The following FMN1 variants were observed in gnomAD, a reference collection of about 807,000 sequenced individuals.
FMN1 encodes the protein formin-1.
In FMN1, 110 loss-of-function variants were observed where a neutral mutation model predicts 132.4. That is an observed-to-expected ratio of 0.83 (90% CI 0.71 to 0.97). The LOEUF is 0.97. Among genes scored for constraint, FMN1 ranks in the 50% least tolerant of loss-of-function variants. FMN1 has a pLI of 0.00. For synonymous variants in FMN1, 722 were observed against 651.7 expected, an observed-to-expected ratio of 1.11 and a Z score of -1.64; for missense variants, 1,792 against 1,705.3, an observed-to-expected ratio of 1.05 and a Z score of -0.90.
At chr15:33,126,030 TCA>T (rs898131442) in intron 4 of FMN1, among the ~76,000 whole-genome samples, 15 of 151,988 alleles carry the variant, frequency 9.9e-5, no homozygotes, top group African/African-American at 2.7e-4. Flanking sequence ...AATACCAAAC[TCA>T]CAGTGCAGTT....
At chr15:33,084,515 A>G (rs1334455791) in intron 5 of FMN1, among the ~76,000 whole-genome samples, 2 of 152,112 alleles carry the variant, frequency 1.3e-5, no homozygotes, top group East Asian at 1.9e-4. Flanking sequence ...GATCGTGTCA[A>G]TTGAATTGTG....
Position 33,151,248 on chromosome 15 carries a change from A to G in FMN1, c.1867+1800T>C, listed in dbSNP as rs1232475242. 2.6e-6 allele frequency: 4 copies of G among 1,535,920 alleles called. No homozygotes were observed. In the East Asian group the frequency reaches 9.8e-5, roughly 38 times the overall value. On this transcript the variant is annotated intron_variant, in intron 4 of 20. Coordinates refer to ENST00000616417, the MANE Select transcript of FMN1 (RefSeq NM_001277313.2). ...CACAGTAGAGAAGTTACCCATATCA[A>G]AAAAAGCTCTTACCCACTTCTACTC...
chr15:33,177,991 A>G (rs1965571932), intron 3 of FMN1, among the ~76,000 whole-genome samples: 1 of 152,168 alleles, frequency 6.6e-6, no homozygotes, highest in Non-Finnish European at 1.5e-5. Context: ...GTGGGCAACG[A>G]GAGCGAAACT....
At chr15:33,017,816 G>C (rs1004415372) in intron 6 of FMN1, among the ~76,000 whole-genome samples, 1 of 152,228 alleles carries the variant, frequency 6.6e-6, no homozygotes, top group Non-Finnish European at 1.5e-5. Flanking sequence ...CGTAATCCCA[G>C]CACTTTGGGA....
chr15:32,955,858 G>A (rs1221091791), intron 9 of FMN1, among the ~76,000 whole-genome samples: 1 of 152,038 alleles, frequency 6.6e-6, no homozygotes, highest in African/African-American at 2.4e-5. Flanking sequence ...TGTGTGGTGA[G>A]AAAGGAATTC....
Position 32,969,065 on chromosome 15 carries a change from G to A in FMN1, c.2636C>T (p.Pro879Leu), listed in dbSNP as rs368585363. The A allele has an allele frequency of 3.8e-5, 60 of 1,568,496 alleles. No individual in the cohort carries two copies. Among genetic ancestry groups the A allele is most frequent in the Non-Finnish European group, 4.9e-5 (57 of 1,152,328 alleles). ...AGATCCAAGTCCTGAGGGGAGGGGC[G>A]GAGGGGGAGGGATGGATGCGGGAGG... ...PPPPASIPPP[P>L]PLPSGLGSLS... Residue 879 changes from proline to leucine, a missense_variant, in exon 8 of 21, where the codon CCG becomes CTG. Pro to Leu is a moderately conservative substitution (Grantham distance 98). Transcript: ENST00000616417.
At chr15:33,160,634 C>T (rs765269943) in intron 3 of FMN1, among the ~76,000 whole-genome samples, 85 of 152,206 alleles carry the variant, frequency 5.6e-4, no homozygotes, top group Non-Finnish European at 1.2e-3. Flanking sequence ...GCTGAGTTCA[C>T]AGGACTATTT....
intron 3 of FMN1, among the ~76,000 whole-genome samples, chr15:33,166,322 T>C (rs1301320401): frequency 7.8e-6 from 1 of 128,888 alleles, no homozygotes; most frequent in Non-Finnish European, 1.5e-5. Context: ...CTTTTTCTTT[T>C]TCTTTTTTTT....
intron 4 of FMN1, among the ~76,000 whole-genome samples, chr15:33,120,809 A>G (rs1294425066): frequency 6.6e-6 from 1 of 151,566 alleles, no homozygotes; most frequent in African/African-American, 2.4e-5. Flanking sequence ...ACATTCTTGC[A>G]TGTTTATGTA....
chr15:32,861,989 T>C (rs991975400), intron 16 of FMN1, among the ~76,000 whole-genome samples: 16 of 152,262 alleles, frequency 1.1e-4, no homozygotes, highest in Non-Finnish European at 1.6e-4. Context: ...ACGTGGCCTG[T>C]AAGAATTAAA....
At chr15:33,048,240 T>C (rs2036782052) in intron 6 of FMN1, among the ~76,000 whole-genome samples, 2 of 152,196 alleles carry the variant, frequency 1.3e-5, no homozygotes, top group African/African-American at 2.4e-5. Flanking sequence ...TAACCTATTT[T>C]GGAGCATAAG....
chr15:32,919,162 G>A (rs1276907427), intron 10 of FMN1, among the ~76,000 whole-genome samples: 1 of 151,834 alleles, frequency 6.6e-6, no homozygotes, highest in Non-Finnish European at 1.5e-5. Context: ...TGTGATGGGG[G>A]GGGTATTAAA....
At chr15:33,046,679 G>A (rs983409481) in intron 6 of FMN1, among the ~76,000 whole-genome samples, 46 of 152,108 alleles carry the variant, frequency 3.0e-4, no homozygotes, top group Non-Finnish European at 5.7e-4. Flanking sequence ...GGCTCTCTTA[G>A]GGAAAGAGAA....
intron 13 of FMN1, among the ~76,000 whole-genome samples, chr15:32,900,431 G>A (rs2060267525): frequency 6.6e-6 from 1 of 152,180 alleles, no homozygotes; most frequent in African/African-American, 2.4e-5. Context: ...TTTTAAAGTA[G>A]AAGTTGTAAA....
chr15:32,947,123 T>C (rs2061526858), intron 9 of FMN1, among the ~76,000 whole-genome samples: 1 of 152,184 alleles, frequency 6.6e-6, no homozygotes, highest in Non-Finnish European at 1.5e-5. Flanking sequence ...GGCCAAAAGA[T>C]AGGCTCCTAT....
chr15:32,856,932 G>A lies in FMN1; in HGVS notation c.3928+83C>T, dbSNP rs551945721. ...CTGCCTGTGGTCAGCCAGGATGCCA[G>A]GGGCCGTGGGCCTCAGAGAAAGATT... On this transcript the variant is annotated intron_variant, in intron 17 of 20. Coordinates refer to ENST00000616417, the MANE Select transcript of FMN1 (RefSeq NM_001277313.2). The A allele has an allele frequency of 3.8e-5, 37 of 968,080 alleles. No homozygotes were observed. The Admixed American group carries it at 5.1e-4, about 13-fold the overall frequency. The allele number at this position is 968,080 out of a possible 1,614,324, so 60.0% of individuals were successfully genotyped here. A position where few individuals can be genotyped will look rare whatever the true frequency, so the allele number is the denominator to read the frequency against.
chr15:33,033,223 G>A (rs1033731626), intron 6 of FMN1, among the ~76,000 whole-genome samples: 1 of 152,010 alleles, frequency 6.6e-6, no homozygotes, highest in Non-Finnish European at 1.5e-5. Context: ...GTAGAGACGG[G>A]GTTTCACCGT....
At chr15:32,977,835 A>G (rs975080378) in intron 7 of FMN1, among the ~76,000 whole-genome samples, 7 of 152,066 alleles carry the variant, frequency 4.6e-5, no homozygotes, top group Admixed American at 2.0e-4. Context: ...AAAACCAGTG[A>G]TAAGTATGCA....
chr15:32,860,085 G>A (rs2059229867), intron 16 of FMN1, among the ~76,000 whole-genome samples: 1 of 150,528 alleles, frequency 6.6e-6, no homozygotes, highest in African/African-American at 2.5e-5. Flanking sequence ...CAAAGGCAAA[G>A]GCAAGGCAAG....
Sources: gnomAD v4.1 joint callset for allele counts (sites outside exome capture counted in the v4.1 genomes callset) on GRCh38, gnomAD v4.1.1 for gene constraint, MANE v1.5 for transcripts, NCBI Gene and HGNC (gene_info 2026-07-23, HGNC 2026-07-21) for gene names.